The following RBFOX1 variants were observed in gnomAD, a reference collection of about 807,000 sequenced individuals.
RBFOX1 encodes the protein RNA binding protein fox-1 homolog 1.
In RBFOX1, 8 loss-of-function variants were observed where a neutral mutation model predicts 57.7. That is an observed-to-expected ratio of 0.14 (90% CI 0.08 to 0.25). The LOEUF (loss-of-function observed/expected upper bound fraction) is 0.25. RBFOX1 is among the 10% of genes least tolerant of loss of function. The pLI, the probability that RBFOX1 is intolerant of heterozygous loss-of-function variation, is 1.00. For missense variants in RBFOX1, 611 were observed against 548.5 expected (o/e 1.11, Z -1.14); for synonymous variants, 326 against 222.4 (o/e 1.47, Z -4.15).
At chr16:5,878,018 T>G (rs2057660153) in intron 4 of RBFOX1, among the ~76,000 whole-genome samples, 1 of 152,180 alleles carries the variant, frequency 6.6e-6, no homozygotes, top group Admixed American at 6.5e-5. Context: ...CTAGAACCAG[T>G]AAGGGGCATT....
intron 2 of RBFOX1, among the ~76,000 whole-genome samples, chr16:6,610,719 T>C (rs1478358769): frequency 6.6e-6 from 1 of 152,202 alleles, no homozygotes; most frequent in Non-Finnish European, 1.5e-5. Flanking sequence ...AGTGGTCTTG[T>C]TACTCAGCAG....
intron 1 of RBFOX1, among the ~76,000 whole-genome samples, chr16:5,338,243 C>A (rs1358599427): frequency 6.6e-6 from 1 of 152,066 alleles, no homozygotes; most frequent in East Asian, 1.9e-4. Context: ...ATTCCACGAC[C>A]TCAGAATCTT....
chr16:5,317,543 A>G (rs2064276556), intron 1 of RBFOX1, among the ~76,000 whole-genome samples: 1 of 152,182 alleles, frequency 6.6e-6, no homozygotes, highest in Admixed American at 6.5e-5. Flanking sequence ...TGGGAGGTGG[A>G]GTTTGCAGTG....
chr16:7,211,286 G>C (rs1015206035), intron 4 of RBFOX1, among the ~76,000 whole-genome samples: 5 of 151,424 alleles, frequency 3.3e-5, no homozygotes, highest in African/African-American at 1.2e-4. Context: ...CAGCTTCTCG[G>C]GAGGCTGAGG....
At chr16:5,512,043 A>G (rs935674390) in intron 2 of RBFOX1, among the ~76,000 whole-genome samples, 2 of 152,198 alleles carry the variant, frequency 1.3e-5, no homozygotes, top group Admixed American at 6.5e-5. Flanking sequence ...CACTTAAACA[A>G]TTGCATGCAA....
At chr16:5,464,340 G>C (rs893856727) in intron 1 of RBFOX1, among the ~76,000 whole-genome samples, 5 of 152,352 alleles carry the variant, frequency 3.3e-5, no homozygotes, top group South Asian at 2.1e-4. Flanking sequence ...GGAGGGCAAA[G>C]GGCAGACCCT....
chr16:6,468,385 A>T (rs975803032), intron 2 of RBFOX1, among the ~76,000 whole-genome samples: 1 of 152,196 alleles, frequency 6.6e-6, no homozygotes, highest in Non-Finnish European at 1.5e-5. Context: ...TCAGGCCCAA[A>T]TTAATATCTT....
intron 1 of RBFOX1, among the ~76,000 whole-genome samples, chr16:6,258,701 A>G (rs2097683817): frequency 6.6e-6 from 1 of 152,192 alleles, no homozygotes; most frequent in Admixed American, 6.5e-5. Context: ...TATAGTATCA[A>G]CAGGGGGACT....
At chr16:5,533,791 T>C (rs1189160614) in intron 2 of RBFOX1, among the ~76,000 whole-genome samples, 1 of 152,124 alleles carries the variant, frequency 6.6e-6, no homozygotes, top group East Asian at 1.9e-4. Flanking sequence ...TGTGATGTGG[T>C]CTGTACTGTT....
intron 3 of RBFOX1, among the ~76,000 whole-genome samples, chr16:6,874,960 G>A (rs574084475): frequency 5.3e-4 from 81 of 152,150 alleles, no homozygotes; most frequent in Non-Finnish European, 1.1e-3. Flanking sequence ...AAACCAAGAA[G>A]CTTGGCTTCA....
intron 3 of RBFOX1, among the ~76,000 whole-genome samples, chr16:6,821,868 G>A (rs148454571): frequency 6.4e-4 from 97 of 152,204 alleles, no homozygotes; most frequent in African/African-American, 2.2e-3. Context: ...CAATTTTTGT[G>A]GGTATATACC....
chr16:5,828,020 G>A (rs1264968659), intron 3 of RBFOX1, among the ~76,000 whole-genome samples: 1 of 141,610 alleles, frequency 7.1e-6, no homozygotes, highest in African/African-American at 2.6e-5. Flanking sequence ...CATCTATCTA[G>A]TCTTCTGTCC....
chr16:6,781,206 A>T (rs2080961432), intron 3 of RBFOX1, among the ~76,000 whole-genome samples: 1 of 152,116 alleles, frequency 6.6e-6, no homozygotes, highest in Non-Finnish European at 1.5e-5. Flanking sequence ...TTTGGTCTTC[A>T]TTATGTTGAT....
chr16:5,306,950 T>A (rs993750374), intron 1 of RBFOX1, among the ~76,000 whole-genome samples: 6 of 152,180 alleles, frequency 3.9e-5, no homozygotes, highest in African/African-American at 1.4e-4. Flanking sequence ...GTGAGGCTTA[T>A]TTCACCTTCC....
chr16:7,491,117 A>G (rs1251929795), intron 4 of RBFOX1, among the ~76,000 whole-genome samples: 1 of 152,132 alleles, frequency 6.6e-6, no homozygotes, highest in African/African-American at 2.4e-5. Context: ...AAATAAAGTC[A>G]TCAGCCCTCT....
At chr16:5,424,538 TTTTTTAGCGTTTA>T (rs911362893) in intron 1 of RBFOX1, among the ~76,000 whole-genome samples, 1 of 152,112 alleles carries the variant, frequency 6.6e-6, no homozygotes, top group African/African-American at 2.4e-5. Context: ...TTTTTTTTTT[TTTTTTAGCGTTTA>T]TTTTATAGCT....
chr16:6,957,811 C>G (rs1018931083), intron 3 of RBFOX1, among the ~76,000 whole-genome samples: 1 of 152,130 alleles, frequency 6.6e-6, no homozygotes, highest in African/African-American at 2.4e-5. Context: ...AGGCATCTCT[C>G]TTTTCACACA....
rs151242430 is a variant in RBFOX1 at position 6,463,715 on chromosome 16, C to T, written c.-64+146658C>T. ...CTTACAGCCATGTTTAGCTTGGCTC[C>T]GCCATTATACAGCAGAAAGATGCTT... On this transcript the variant is annotated intron_variant, in intron 2 of 15. Coordinates refer to ENST00000550418, the MANE Select transcript of RBFOX1 (RefSeq NM_018723.4). Among the ~76,000 whole-genome samples, 772 of 152,258 alleles carry T rather than the reference C, an allele frequency of 5.1e-3. 6 individuals carry two copies. Among genetic ancestry groups the T allele is most frequent in the African/African-American group, 0.018 (728 of 41,552 alleles).
intron 3 of RBFOX1, among the ~76,000 whole-genome samples, chr16:6,966,927 C>G (rs568092066): frequency 2.0e-5 from 3 of 148,502 alleles, no homozygotes; most frequent in African/African-American, 7.6e-5. Flanking sequence ...ATCCATCCAT[C>G]CATCCATCCA....
Sources: gnomAD v4.1 joint callset for allele counts (sites outside exome capture counted in the v4.1 genomes callset) on GRCh38, gnomAD v4.1.1 for gene constraint, MANE v1.5 for transcripts, NCBI Gene and HGNC (gene_info 2026-07-23, HGNC 2026-07-21) for gene names.